The following PSORS1C1 variants were observed in gnomAD, a reference collection of about 807,000 sequenced individuals.
PSORS1C1 encodes psoriasis susceptibility 1 candidate 1.
Under a neutral mutation model 9.4 loss-of-function variants are expected in PSORS1C1, and 7 were observed. The ratio of observed to expected loss-of-function variants is 0.75; its 90% CI spans 0.42 to 1.40. The LOEUF is 1.40. PSORS1C1 is among the 40% of genes most tolerant of loss of function. The pLI, the probability that PSORS1C1 is intolerant of heterozygous loss-of-function variation, is 0.01. For missense variants in PSORS1C1, 146 were observed against 178.1 expected (o/e 0.82, Z 1.02); for synonymous variants, 63 against 69.4 (o/e 0.91, Z 0.46).
chr6:31,127,794 A>G (rs1772747763), intron 2 of PSORS1C1, among the ~76,000 whole-genome samples: 1 of 151,844 alleles, frequency 6.6e-6, no homozygotes, highest in Admixed American at 6.6e-5. Flanking sequence ...AGCCTGGGCG[A>G]CAAGAGCGAA....
At chr6:31,122,011 G>A (rs553413688) in intron 1 of PSORS1C1, among the ~76,000 whole-genome samples, 74 of 152,360 alleles carry the variant, frequency 4.9e-4, no homozygotes, top group African/African-American at 1.8e-3. Flanking sequence ...GAGAGAGGAA[G>A]GGATAGGACA....
intron 1 of PSORS1C1, chr6:31,116,103 G>C (rs1384832711): frequency 3.1e-6 from 5 of 1,611,842 alleles, no homozygotes; most frequent in Non-Finnish European, 4.2e-6. Flanking sequence ...GCTTCACTTG[G>C]GCTAGGATAT....
intron 3 of PSORS1C1, among the ~76,000 whole-genome samples, chr6:31,130,008 T>C (rs1772834701): frequency 6.6e-6 from 1 of 152,172 alleles, no homozygotes; most frequent in Non-Finnish European, 1.5e-5. Context: ...GAGGATCCCT[T>C]GAGCCCAGGA....
At chr6:31,116,319 G>A in intron 1 of PSORS1C1, 1 of 1,613,812 alleles carries the variant, frequency 6.2e-7, no homozygotes, top group Non-Finnish European at 8.5e-7. Context: ...TGGAGCTGCT[G>A]CTGAAGGAGC....
At position 31,138,090 on chromosome 6, in the gene PSORS1C1, G is replaced by T. The variant is rs1483909070; in HGVS notation, c.14-340G>T. On this transcript the variant is annotated intron_variant, in intron 3 of 5. Transcript: ENST00000259881. ...GTCGTCAGGCCGGGGAGGTTGAGGA[G>T]GATCCGTTCTAGGCGGTTCAGGGAG... 1.9e-6 allele frequency: 3 copies of T among 1,583,894 alleles called. No individual in the cohort carries two copies. In the South Asian group the frequency reaches 3.4e-5, roughly 18 times the overall value.
At chr6:31,136,356 A>T (rs1470381641) in intron 3 of PSORS1C1, among the ~76,000 whole-genome samples, 1 of 150,428 alleles carries the variant, frequency 6.6e-6, no homozygotes, top group African/African-American at 2.5e-5. Flanking sequence ...GTGCCACTGC[A>T]CTCCAGCCTG....
At chr6:31,131,597 C>CAA (rs9281219) in intron 3 of PSORS1C1, among the ~76,000 whole-genome samples, 7,798 of 77,522 alleles carry the variant, frequency 0.1, 604 homozygotes, top group Non-Finnish European at 0.14. Flanking sequence ...GACTCCGTCT[C>CAA]AAAAAAAAAA....
At chr6:31,121,057 C>T (rs567230255) in intron 1 of PSORS1C1, among the ~76,000 whole-genome samples, 11 of 150,628 alleles carry the variant, frequency 7.3e-5, no homozygotes, top group Non-Finnish European at 5.9e-5. Context: ...ATACCTATTA[C>T]GTGTTCCATC....
At chr6:31,134,551 C>A (rs575299546) in intron 3 of PSORS1C1, among the ~76,000 whole-genome samples, 153 of 152,242 alleles carry the variant, frequency 1.0e-3, no homozygotes, top group Non-Finnish European at 1.8e-3. Flanking sequence ...GTGATTCGCC[C>A]GCCTTGGCCT....
At chr6:31,117,036 T>C (rs773848914) in intron 1 of PSORS1C1, 1 of 1,614,220 alleles carries the variant, frequency 6.2e-7, no homozygotes, top group East Asian at 2.2e-5. Context: ...AAGAGCTTTG[T>C]CCAGGCTGGG....
intron 1 of PSORS1C1, among the ~76,000 whole-genome samples, chr6:31,120,726 A>ACGGCCACCCACTCTGGGG (rs1475932169): frequency 6.6e-6 from 1 of 152,054 alleles, no homozygotes; most frequent in East Asian, 1.9e-4. Flanking sequence ...GCTCTGCCCC[A>ACGGCCACCCACTCTGGGG]CGGCCACCCA....
chr6:31,138,221 G>C (rs778698956), intron 3 of PSORS1C1: 3 of 1,566,974 alleles, frequency 1.9e-6, no homozygotes, highest in Non-Finnish European at 2.6e-6. Flanking sequence ...CGGGGACTGG[G>C]GGGCCCTGAG....
chr6:31,118,105 A>G (rs3132551), intron 1 of PSORS1C1: 116,986 of 154,654 alleles, frequency 0.76, 44,595 homozygotes, highest in South Asian at 0.83. Flanking sequence ...AGTGGGACCA[A>G]AGGGAAGAAG....
chr6:31,138,135 AG>A, intron 3 of PSORS1C1: 4 of 1,606,092 alleles, frequency 2.5e-6, no homozygotes, highest in Non-Finnish European at 3.4e-6. Flanking sequence ...AGTTTCAGGC[AG>A]GTCTCTCCAG....
At chr6:31,138,866 G>A (rs1265095) in intron 5 of PSORS1C1, 87 bp downstream of exon 5, 860,580 of 1,600,658 alleles carry the variant, frequency 0.54, 236,555 homozygotes, top group African/African-American at 0.7. Context: ...CACCTTCTGC[G>A]TCCCCTGAAT....
At chr6:31,132,332 G>C (rs1772954309) in intron 3 of PSORS1C1, among the ~76,000 whole-genome samples, 1 of 152,154 alleles carries the variant, frequency 6.6e-6, no homozygotes, top group African/African-American at 2.4e-5. Context: ...GACCAGCCTG[G>C]CCAACATGGT....
chr6:31,116,673 A>C (rs760517449), intron 1 of PSORS1C1: 12 of 1,612,588 alleles, frequency 7.4e-6, no homozygotes, highest in Admixed American at 1.7e-5. Flanking sequence ...TTTTACCCTT[A>C]CTGTAGGTCA....
chr6:31,134,564 C>T (rs557757849), intron 3 of PSORS1C1, among the ~76,000 whole-genome samples: 1 of 152,282 alleles, frequency 6.6e-6, no homozygotes, highest in Admixed American at 6.5e-5. Flanking sequence ...CTTGGCCTCC[C>T]GAAGTGCTGG....
intron 1 of PSORS1C1, chr6:31,116,044 T>A (rs1325211965): frequency 6.2e-7 from 1 of 1,611,708 alleles, no homozygotes; most frequent in Non-Finnish European, 8.5e-7. Flanking sequence ...GTTGAGTAAC[T>A]CTCCTTGGGG....
Sources: allele counts gnomAD v4.1 joint callset (sites outside exome capture counted in the v4.1 genomes callset), GRCh38; gene constraint gnomAD v4.1.1; transcripts MANE v1.5; gene names NCBI Gene and HGNC (gene_info 2026-07-23, HGNC 2026-07-21).